PTP4A1: variants seen among roughly 807,000 people sequenced by gnomAD.
PTP4A1 encodes protein tyrosine phosphatase type IVA 1.
A neutral mutation model predicts 20.5 loss-of-function variants in PTP4A1; 9 were observed. The observed-to-expected ratio is 0.44, with a 90% CI of 0.26 to 0.77. The LOEUF (loss-of-function observed/expected upper bound fraction) is 0.77. Among genes scored for constraint, PTP4A1 ranks in the 30% least tolerant of loss-of-function variants. The pLI is 0.19. For synonymous variants in PTP4A1, 78 were observed against 67.4 expected, an observed-to-expected ratio of 1.16 and a Z score of -0.77; for missense variants, 137 against 218.8, an observed-to-expected ratio of 0.63 and a Z score of 2.36.
chr6:63,553,669 A>ACTGATTAGGT (rs1489357264), intron 3 of PTP4A1, among the ~76,000 whole-genome samples: 3 of 152,200 alleles, frequency 2.0e-5, no homozygotes, highest in African/African-American at 7.2e-5. Context: ...TTGCATTATC[A>ACTGATTAGGT]CTGATTAGGT....
intron 3 of PTP4A1, among the ~76,000 whole-genome samples, chr6:63,552,536 T>C (rs1776498372): frequency 6.6e-6 from 1 of 152,218 alleles, no homozygotes; most frequent in African/African-American, 2.4e-5. Context: ...CTCTTTAGTT[T>C]AATTAGATCC....
intron 1 of PTP4A1, among the ~76,000 whole-genome samples, chr6:63,576,045 A>G (rs112118345): frequency 6.7e-4 from 101 of 151,314 alleles, no homozygotes; most frequent in African/African-American, 2.4e-3. Flanking sequence ...CAATGTAAAG[A>G]AAACAACTAT....
intron 3 of PTP4A1, among the ~76,000 whole-genome samples, chr6:63,560,494 C>T (rs1776896496): frequency 6.6e-6 from 1 of 151,518 alleles, no homozygotes; most frequent in East Asian, 1.9e-4. Context: ...CCTCTGCCTC[C>T]CGAGTTCAAG....
At chr6:63,567,105 G>A (rs571387235) in intron 3 of PTP4A1, among the ~76,000 whole-genome samples, 2 of 152,260 alleles carry the variant, frequency 1.3e-5, no homozygotes, top group South Asian at 4.1e-4. Context: ...TTCCTCCACT[G>A]AAGTCTTGAA....
At chr6:63,566,531 G>A (rs1432543536) in intron 3 of PTP4A1, among the ~76,000 whole-genome samples, 4 of 152,162 alleles carry the variant, frequency 2.6e-5, no homozygotes, top group African/African-American at 9.7e-5. Flanking sequence ...TCAAGACACA[G>A]AAAGGAAGTG....
intron 3 of PTP4A1, among the ~76,000 whole-genome samples, chr6:63,563,025 T>C (rs375051182): frequency 2.0e-5 from 3 of 152,334 alleles, no homozygotes; most frequent in East Asian, 3.9e-4. Context: ...TTCTCCATTT[T>C]ATTTCCATAT....
At chr6:63,524,770 G>T (rs938115754) in intron 1 of PTP4A1, among the ~76,000 whole-genome samples, 6 of 152,076 alleles carry the variant, frequency 3.9e-5, no homozygotes, top group African/African-American at 1.4e-4. Flanking sequence ...ACATGAAATT[G>T]TATATATTAT....
In PTP4A1 at chr6:63,576,888, G is replaced by T; in HGVS notation, c.8G>T (p.Arg3Leu). MA[R>L]MNRPAPVEVT... The stretch of plus-strand genomic sequence containing the variant: ...TTTTTTAACTAAATTAACATGGCTC[G>T]AATGAACCGCCCAGCTCCTGTGGAA... The change falls in exon 2 of 6, where the codon CGA becomes CTA. Residue 3 changes from arginine to leucine, a missense_variant. Coordinates refer to ENST00000626021, the MANE Select transcript of PTP4A1 (RefSeq NM_003463.5). 6.2e-7 allele frequency: 1 copy of T among 1,611,924 alleles called. No homozygotes were observed. The highest frequency in any genetic ancestry group is 1.1e-5 in the South Asian group (1 of 90,624).
chr6:63,579,877 T>C (rs1035931901), intron 5 of PTP4A1, among the ~76,000 whole-genome samples, 180 bp from the exon 6 acceptor site: 1 of 152,224 alleles, frequency 6.6e-6, no homozygotes, highest in Non-Finnish European at 1.5e-5. Flanking sequence ...GAAAATTAAC[T>C]TTTTATGATT....
intron 5 of PTP4A1, among the ~76,000 whole-genome samples, chr6:63,579,564 T>C (rs530380469): frequency 6.6e-6 from 1 of 152,354 alleles, no homozygotes; most frequent in East Asian, 1.9e-4. Flanking sequence ...AATACTTGAT[T>C]GAATATGTTG....
rs1777877262 is a variant in PTP4A1, at chr6:63,576,536, T to C, written c.-345T>C. On this transcript the variant is annotated 5_prime_UTR_variant, in exon 2 of 6. The change abolishes the stop of an existing upstream ORF in the 5' untranslated region. Transcript: ENST00000626021. ...GACCTCTATGCAGACAAGTGAACTG[T>C]AGAAACTGATTACTGCTCCACCAAG... The C allele has an allele frequency of 2.3e-6, 1 of 437,746 alleles. No individual in the cohort carries two copies. The highest frequency in any genetic ancestry group is 4.0e-6 in the Non-Finnish European group (1 of 249,330). 27.1% of individuals were successfully genotyped at this position (437,746 alleles called of 1,614,324 possible).
intron 3 of PTP4A1, among the ~76,000 whole-genome samples, chr6:63,552,865 G>C (rs1379286605): frequency 2.6e-5 from 4 of 152,116 alleles, no homozygotes; most frequent in Non-Finnish European, 1.5e-5. Context: ...TATTATTTCT[G>C]AGGGCTCTGT....
At chr6:63,566,791 G>A (rs973708527) in intron 3 of PTP4A1, among the ~76,000 whole-genome samples, 14 of 152,168 alleles carry the variant, frequency 9.2e-5, no homozygotes, top group African/African-American at 2.7e-4. Context: ...AGGCAGTGCT[G>A]TTTGATAGTA....
At position 63,578,989 on chromosome 6, in the gene PTP4A1, G is replaced by A; in HGVS notation, c.290G>A (p.Gly97Asp). The change falls in exon 4 of 6, where the codon GGT becomes GAT. Residue 97 changes from glycine to aspartate, a missense_variant. Physicochemically the swap from Gly to Asp is moderately conservative, Grantham distance 94. Coordinates refer to ENST00000626021, the MANE Select transcript of PTP4A1 (RefSeq NM_003463.5). ...LVKIKFREEP[G>D]CCIAVHCVAG... ...AAAATTAAGTTTCGTGAAGAACCTG[G>A]TTGTTGTATTGCTGTTCATTGCGTT... 1 of 1,607,906 alleles carries A rather than the reference G, an allele frequency of 6.2e-7. No individual in the cohort carries two copies. The highest frequency in any genetic ancestry group is 1.3e-5 in the African/African-American group (1 of 74,896).
At chr6:63,537,008 T>C (rs939922365) in intron 2 of PTP4A1, among the ~76,000 whole-genome samples, 1 of 152,078 alleles carries the variant, frequency 6.6e-6, no homozygotes, top group Non-Finnish European at 1.5e-5. Flanking sequence ...AGAGTAGTGA[T>C]GGGGAATTAA....
At position 63,561,881 on chromosome 6, in the gene PTP4A1, A is replaced by G. The variant is rs1776968739; in HGVS notation, c.-446+11388A>G. Among the ~76,000 whole-genome samples the G allele has an allele frequency of 2.6e-5, 4 of 152,310 alleles. No individual in the cohort carries two copies. The South Asian group carries it at 8.3e-4, about 32-fold the overall frequency. ...TTTTGACAGCTGCTGTCAGGTTAGG[A>G]TAACCTGGTGCTTCTATCTCTGCTG... On this transcript the variant is annotated intron_variant, in intron 3 of 3. Coordinates refer to the PTP4A1 transcript ENST00000639568.
intron 3 of PTP4A1, among the ~76,000 whole-genome samples, chr6:63,552,425 T>C (rs1776492556): frequency 6.6e-6 from 1 of 152,260 alleles, no homozygotes; most frequent in African/African-American, 2.4e-5. Context: ...TTGTAGATTC[T>C]AGATATTAGC....
chr6:63,529,984 C>T (rs1250179649), intron 2 of PTP4A1, among the ~76,000 whole-genome samples: 1 of 151,896 alleles, frequency 6.6e-6, no homozygotes, highest in Non-Finnish European at 1.5e-5. Flanking sequence ...ATTTAGGTAC[C>T]TTTATAGAGT....
chr6:63,551,022 G>GT (rs533613028), intron 3 of PTP4A1, among the ~76,000 whole-genome samples: 28 of 151,782 alleles, frequency 1.8e-4, no homozygotes, highest in African/African-American at 6.0e-4. Context: ...ATGTTGATAG[G>GT]TTTTTTTTAT....
Sources: gnomAD v4.1 joint callset for allele counts (sites outside exome capture counted in the v4.1 genomes callset) on GRCh38, gnomAD v4.1.1 for gene constraint, MANE v1.5 for transcripts, NCBI Gene and HGNC (gene_info 2026-07-23, HGNC 2026-07-21) for gene names.